Variants in ASXL2 observed in about 807,000 individuals in gnomAD.
The protein encoded by ASXL2 is putative Polycomb group protein ASXL2.
ASXL2 carries 23 observed loss-of-function variants against 122.0 expected under a neutral mutation model. The observed-to-expected ratio is 0.19, with a 90% CI of 0.14 to 0.27. The LOEUF is 0.27. Among genes scored for constraint, ASXL2 ranks in the 10% least tolerant of loss-of-function variants. ASXL2 has a pLI of 1.00. For missense variants in ASXL2, 1,518 were observed against 1,713.8 expected (o/e 0.89, Z 2.02); for synonymous variants, 650 against 637.0 (o/e 1.02, Z -0.31).
In ASXL2 at chr2:25,749,791, C is replaced by T; in HGVS notation, c.1765G>A (p.Glu589Lys). 6.2e-7 allele frequency: 1 copy of T among 1,605,688 alleles called. No homozygotes were observed. The highest frequency in any genetic ancestry group is 1.3e-5 in the African/African-American group (1 of 74,364). Reference protein sequence around the residue: ...VSWEKRPRVTENRQHQQPFQV... With the variant: ...VSWEKRPRVTKNRQHQQPFQV... ...AATGGCTGCTGGTGCTGGCGATTCT[C>T]AGTGACACGTGGCCTCTTCTCCCAG... The change falls in exon 12 of 13, where the codon GAG (glutamate) becomes AAG (lysine). Residue 589 changes from glutamate (E) to lysine (K), a missense_variant. Around this residue, in one of 8 missense-constraint regions of ASXL2, gnomAD observed 292 missense variants for 293.5 expected, o/e 1.00. Coordinates refer to ENST00000435504, the MANE Select transcript of ASXL2 (RefSeq NM_018263.6).
At chr2:25,847,976 A>G (rs1162823512) in intron 1 of ASXL2, among the ~76,000 whole-genome samples, 2 of 152,256 alleles carry the variant, frequency 1.3e-5, no homozygotes, top group African/African-American at 4.8e-5. Context: ...TTTACTAGCA[A>G]TCAAATGTAA....
At chr2:25,798,206 A>G (rs2088939746) in intron 5 of ASXL2, among the ~76,000 whole-genome samples, 1 of 152,148 alleles carries the variant, frequency 6.6e-6, no homozygotes, top group Non-Finnish European at 1.5e-5. Context: ...GAATCAGGAA[A>G]AATAACTAGT....
chr2:25,791,255 G>A lies in ASXL2; in HGVS notation c.403+8130C>T, dbSNP rs568949082. On this transcript the variant is annotated intron_variant, in intron 5 of 12. Transcript: ENST00000435504. ...TGTAATCCCAGCCCTTTGGGAGCCC[G>A]AGGCAAGCAGATCACAAGGTCAGGA... Among the ~76,000 whole-genome samples the A allele has an allele frequency of 3.6e-3, 554 of 152,076 alleles. 1 individual carries two copies. The highest frequency in any genetic ancestry group is 0.013 in the African/African-American group (525 of 41,482).
chr2:25,779,084 A>ATTTTTTTT (rs33911748), intron 5 of ASXL2, among the ~76,000 whole-genome samples: 20 of 99,402 alleles, frequency 2.0e-4, no homozygotes, highest in South Asian at 3.5e-4. Context: ...CTTTTTTCTG[A>ATTTTTTTT]TTTTTTTTTT....
chr2:25,844,419 A>G (rs1048661697), intron 2 of ASXL2, among the ~76,000 whole-genome samples: 1 of 151,994 alleles, frequency 6.6e-6, no homozygotes, highest in Non-Finnish European at 1.5e-5. Context: ...TGTCTCTACT[A>G]AAAGTACAAA....
At chr2:25,756,209 T>A in intron 9 of ASXL2, 95 bp from the exon 10 acceptor site, 2 of 557,442 alleles carry the variant, frequency 3.6e-6, no homozygotes, top group South Asian at 4.4e-5. Flanking sequence ...AGAATGTATA[T>A]ATATTTATTT....
chr2:25,744,516 T>G lies in ASXL2; in HGVS notation c.1861-40A>C, dbSNP rs2087907560. 6.5e-7 allele frequency: 1 copy of G among 1,547,648 alleles called. No homozygotes were observed. Among genetic ancestry groups the G allele is most frequent in the Non-Finnish European group, 8.6e-7 (1 of 1,157,192 alleles). ...GGGGAAAAAAACAACAGAGCTTAGT[T>G]TTCATTTGTAAGAATAACAAAACTT... On this transcript the variant is annotated intron_variant, in intron 12 of 12. Coordinates refer to ENST00000435504, the MANE Select transcript of ASXL2 (RefSeq NM_018263.6). The surrounding 1 kb of genome is among the most constrained non-coding windows in gnomAD (Gnocchi z 4.7).
chr2:25,825,001 A>G (rs2089359801), intron 3 of ASXL2, among the ~76,000 whole-genome samples: 1 of 152,200 alleles, frequency 6.6e-6, no homozygotes, highest in African/African-American at 2.4e-5. Flanking sequence ...CTCATTCTAA[A>G]GGCTCTTGCC....
chr2:25,819,774 A>G (rs1001206317), intron 3 of ASXL2, among the ~76,000 whole-genome samples: 2 of 152,224 alleles, frequency 1.3e-5, no homozygotes, highest in Admixed American at 6.5e-5. Context: ...TGGGAGAATT[A>G]CCAAATCTGG....
At chr2:25,869,046 T>C (rs899443706) in intron 1 of ASXL2, among the ~76,000 whole-genome samples, 1 of 151,778 alleles carries the variant, frequency 6.6e-6, no homozygotes, top group Non-Finnish European at 1.5e-5. Flanking sequence ...ACGCCTGTAA[T>C]CCCAGCTACT....
intron 1 of ASXL2, among the ~76,000 whole-genome samples, chr2:25,855,250 A>G (rs2089763005): frequency 6.6e-6 from 1 of 152,202 alleles, no homozygotes; most frequent in Admixed American, 6.5e-5. Flanking sequence ...ATAGATAGTA[A>G]CTTGGTAACA....
intron 8 of ASXL2, among the ~76,000 whole-genome samples, chr2:25,763,373 C>A (rs113304336): frequency 0.042 from 6,419 of 151,886 alleles, 208 homozygotes; most frequent in African/African-American, 0.08. Flanking sequence ...GCCTGTAATC[C>A]CAGCTACTCA....
At position 25,736,442 on chromosome 2, in the gene ASXL2, A is replaced by G. The variant is rs2087736151; in HGVS notation, c.*5587T>C. On this transcript the variant is annotated 3_prime_UTR_variant, in exon 13 of 13. Transcript: ENST00000435504. ...ATACACATTTAAATATTTTACCTTC[A>G]TTCTTATTATATATGGAAATTATGA... The G allele has an allele frequency of 6.8e-6, 1 of 146,016 alleles. No individual in the cohort carries two copies. Among genetic ancestry groups the G allele is most frequent in the African/African-American group, 2.5e-5 (1 of 40,402 alleles). The allele number at this position is 146,016 out of a possible 1,614,324, so 9.0% of individuals were successfully genotyped here. A position where few individuals can be genotyped will look rare whatever the true frequency, so the allele number is the denominator to read the frequency against.
Position 25,771,171 on chromosome 2 carries a change from C to T in ASXL2, c.504+269G>A, listed in dbSNP as rs376876465. Among the ~76,000 whole-genome samples the T allele has an allele frequency of 3.9e-5, 6 of 152,218 alleles. No homozygotes were observed. The East Asian group carries it at 5.8e-4, about 15-fold the overall frequency. ...GAATTGCTTGAACCTGGGAAGCAGA[C>T]GTTGCAGTGAGCTGAGATTGCACCC... On this transcript the variant is annotated intron_variant, in intron 6 of 12. Coordinates refer to ENST00000435504, the MANE Select transcript of ASXL2 (RefSeq NM_018263.6).
chr2:25,822,536 G>GT (rs1299696898), intron 3 of ASXL2: 2 of 497,940 alleles, frequency 4.0e-6, no homozygotes, highest in Non-Finnish European at 7.7e-6. Context: ...TGTGAACACA[G>GT]TAAGGATGTT....
In ASXL2 at chr2:25,737,522, A is replaced by T. The variant is rs1048730464; in HGVS notation, c.*4507T>A. On this transcript the variant is annotated 3_prime_UTR_variant, in exon 13 of 13. Coordinates refer to ENST00000435504, the MANE Select transcript of ASXL2 (RefSeq NM_018263.6). Reference sequence around the variant, plus strand: ...TCAGTTTTACTTAAATTCCAAAAGAAATACACTACCCTGATTTATCACCAA... The same window carrying T: ...TCAGTTTTACTTAAATTCCAAAAGATATACACTACCCTGATTTATCACCAA... The T allele has an allele frequency of 6.6e-6, 1 of 152,118 alleles. No homozygotes were observed. The highest frequency in any genetic ancestry group is 2.4e-5 in the African/African-American group (1 of 41,428). 9.4% of individuals were successfully genotyped at this position (152,118 alleles called of 1,614,324 possible).
chr2:25,763,805 C>T (rs2088294266), intron 8 of ASXL2, among the ~76,000 whole-genome samples: 1 of 152,148 alleles, frequency 6.6e-6, no homozygotes, highest in Admixed American at 6.5e-5. Context: ...ATATAACTTG[C>T]CCAAGTCACA....
rs879857369 is a variant in ASXL2 at position 25,740,870 on chromosome 2, ATG to A, written c.*1157_*1158del. The A allele has an allele frequency of 4.3e-3, 829 of 190,666 alleles. 3 individuals are homozygous for A. Among genetic ancestry groups the A allele is most frequent in the Non-Finnish European group, 7.2e-3 (652 of 90,962 alleles). 11.8% of individuals were successfully genotyped at this position (190,666 alleles called of 1,614,324 possible). A position where few individuals can be genotyped will look rare whatever the true frequency, so the allele number is the denominator to read the frequency against. On this transcript the variant is annotated 3_prime_UTR_variant, in exon 13 of 13. Transcript: ENST00000435504. ...GTGTAAAGTAAGATATAATAAGATG[ATG>A]TCATCCTGTTCAGATGCCTGGGAGG...
intron 9 of ASXL2, among the ~76,000 whole-genome samples, chr2:25,758,867 G>A (rs2088187249): frequency 6.6e-6 from 1 of 151,620 alleles, no homozygotes; most frequent in Non-Finnish European, 1.5e-5. Flanking sequence ...CATGTTTTTG[G>A]CTTATTCCTG....
Sources: gnomAD v4.1 joint callset for allele counts (sites outside exome capture counted in the v4.1 genomes callset) on GRCh38, gnomAD v4.1.1 for gene constraint, gnomAD v4.1.1 regional missense constraint, Gnocchi (gnomAD v3.1) non-coding constraint, MANE v1.5 for transcripts, NCBI Gene and HGNC (gene_info 2026-07-23, HGNC 2026-07-21) for gene names.